Variants in PDE10A observed in about 807,000 individuals in gnomAD.
PDE10A encodes phosphodiesterase 10A.
PDE10A carries 39 observed loss-of-function variants against 97.7 expected under a neutral mutation model. The ratio of observed to expected loss-of-function variants is 0.40; its 90% CI spans 0.31 to 0.52. The LOEUF is 0.52. Ranked by LOEUF, PDE10A falls within the 20% of genes least tolerant of loss-of-function variation. PDE10A has a pLI of 0.56. For missense variants in PDE10A, 731 were observed against 1,047.8 expected (o/e 0.70, Z 4.17); for synonymous variants, 371 against 376.8 (o/e 0.98, Z 0.18).
chr6:165,949,222 A>G (rs1783875197), intron 1 of PDE10A: 1 of 152,204 alleles, frequency 6.6e-6, no homozygotes, highest in Non-Finnish European at 1.5e-5. Context: ...GGTCACGCTA[A>G]CCCATTTGAG....
At chr6:165,436,346 T>A (rs1219037593) in intron 5 of PDE10A, among the ~76,000 whole-genome samples, 1 of 152,176 alleles carries the variant, frequency 6.6e-6, no homozygotes, top group African/African-American at 2.4e-5. Flanking sequence ...TATTAACTTA[T>A]CAGGTATGTG....
chr6:165,577,699 C>T (rs897885042), intron 1 of PDE10A, among the ~76,000 whole-genome samples: 2 of 152,214 alleles, frequency 1.3e-5, no homozygotes, highest in Admixed American at 6.5e-5. Flanking sequence ...CACTTCAAGA[C>T]TGGACTAGAG....
chr6:165,683,731 T>C (rs1390959898), intron 1 of PDE10A, among the ~76,000 whole-genome samples: 1 of 152,198 alleles, frequency 6.6e-6, no homozygotes, highest in Non-Finnish European at 1.5e-5. Flanking sequence ...ACAGGAGGGC[T>C]GGAGAGTGCA....
chr6:165,924,157 T>A (rs1782849303), intron 1 of PDE10A, among the ~76,000 whole-genome samples: 1 of 152,218 alleles, frequency 6.6e-6, no homozygotes, highest in Non-Finnish European at 1.5e-5. Context: ...GGATAGAAGA[T>A]CTCTCTGTGT....
chr6:165,733,202 C>G (rs572516294), intron 1 of PDE10A, among the ~76,000 whole-genome samples: 1 of 152,338 alleles, frequency 6.6e-6, no homozygotes, highest in Non-Finnish European at 1.5e-5. Context: ...CCATGTTCCA[C>G]CCAGACCTGA....
chr6:165,476,718 A>G (rs1259869219), intron 3 of PDE10A, among the ~76,000 whole-genome samples: 1 of 152,332 alleles, frequency 6.6e-6, no homozygotes, highest in East Asian at 1.9e-4. Flanking sequence ...CAAAGAGCAA[A>G]TGAGACACTT....
intron 1 of PDE10A, among the ~76,000 whole-genome samples, chr6:165,951,806 T>C (rs1041542793): frequency 2.6e-5 from 4 of 152,244 alleles, no homozygotes; most frequent in African/African-American, 4.8e-5. Context: ...GTGACCTGGC[T>C]CTTTTAATAC....
chr6:165,845,920 A>G (rs772983217), intron 1 of PDE10A, among the ~76,000 whole-genome samples: 2 of 152,210 alleles, frequency 1.3e-5, no homozygotes, highest in Non-Finnish European at 2.9e-5. Context: ...CCATGATAAA[A>G]AAACAAAACG....
intron 1 of PDE10A, among the ~76,000 whole-genome samples, chr6:165,547,979 G>A (rs558913386): frequency 2.0e-5 from 3 of 152,076 alleles, no homozygotes; most frequent in South Asian, 4.2e-4. Context: ...GCCTATTCAC[G>A]CATATGTATA....
rs193024187 is a variant in PDE10A at position 165,354,309 on chromosome 6, C to T, written c.2784-10807G>A. ...CTTTTTGAATAGTATGGAGAAAACTCATCAGCCATCCTGAATAAAGAACAA... is the reference window on the plus strand; with the variant it reads ...CTTTTTGAATAGTATGGAGAAAACTTATCAGCCATCCTGAATAAAGAACAA... On this transcript the variant is annotated intron_variant, in intron 18 of 21. Transcript: ENST00000539869. Among the ~76,000 whole-genome samples, 390 of 152,220 alleles carry T rather than the reference C, an allele frequency of 2.6e-3. 5 individuals carry two copies. Among genetic ancestry groups the T allele is most frequent in the African/African-American group, 8.8e-3 (365 of 41,546 alleles).
intron 1 of PDE10A, among the ~76,000 whole-genome samples, chr6:165,953,597 A>C (rs935884009): frequency 2.0e-5 from 3 of 152,188 alleles, no homozygotes; most frequent in Non-Finnish European, 4.4e-5. Flanking sequence ...TCTCAAAAAA[A>C]AAAAAAATAG....
intron 17 of PDE10A, among the ~76,000 whole-genome samples, chr6:165,381,839 TAAGG>T (rs1476380911): frequency 6.6e-6 from 1 of 151,734 alleles, no homozygotes; most frequent in South Asian, 2.1e-4. Context: ...CTAAAGAAAA[TAAGG>T]AAGGGAGATA....
chr6:165,928,803 CTT>C (rs2128490196), intron 1 of PDE10A, among the ~76,000 whole-genome samples: 1 of 152,300 alleles, frequency 6.6e-6, no homozygotes, highest in East Asian at 1.9e-4. Flanking sequence ...AGAATGCAAT[CTT>C]TTCTCAACAA....
intron 1 of PDE10A, among the ~76,000 whole-genome samples, chr6:165,561,235 T>C (rs1481074676): frequency 2.7e-5 from 4 of 147,820 alleles, no homozygotes; most frequent in Non-Finnish European, 6.0e-5. Flanking sequence ...AAAAAAAAAG[T>C]GTGCAGCAGT....
Position 165,711,279 on chromosome 6 carries a change from G to GCTCC in PDE10A, c.-614-167715_-614-167712dup, listed in dbSNP as rs1791889706. Reference sequence around the variant, plus strand: ...TAATTTACAGAGGTAAGTGCCTGGGGCTCCCATTGGCCCTTCAAGTTGGGC... The same window carrying GCTCC: ...TAATTTACAGAGGTAAGTGCCTGGGGCTCCCTCCCATTGGCCCTTCAAGTTGGGC... On this transcript the variant is annotated intron_variant, in intron 1 of 19. Coordinates refer to the PDE10A transcript ENST00000366882. The surrounding 1 kb of genome is among the most constrained non-coding windows in gnomAD (Gnocchi z 4.5). 6.6e-6 allele frequency among the ~76,000 whole-genome samples: 1 copy of GCTCC among 152,186 alleles called. No individual in the cohort carries two copies. The highest frequency in any genetic ancestry group is 2.1e-4 in the South Asian group (1 of 4,826).
chr6:165,569,961 G>A (rs1784971957), intron 1 of PDE10A, among the ~76,000 whole-genome samples: 2 of 152,166 alleles, frequency 1.3e-5, no homozygotes, highest in South Asian at 4.1e-4. Flanking sequence ...AACCAATGGA[G>A]AGCCAAGAAA....
At chr6:165,919,232 G>A (rs187329130) in intron 1 of PDE10A, among the ~76,000 whole-genome samples, 3 of 152,228 alleles carry the variant, frequency 2.0e-5, no homozygotes, top group Admixed American at 6.5e-5. Context: ...CAAATATGAT[G>A]TCTACCCACC....
At chr6:165,685,072 G>A (rs150525247) in intron 1 of PDE10A, among the ~76,000 whole-genome samples, 2 of 152,066 alleles carry the variant, frequency 1.3e-5, no homozygotes, top group South Asian at 2.1e-4. Flanking sequence ...TTAAAAAATC[G>A]CTATGTGATA....
intron 1 of PDE10A, among the ~76,000 whole-genome samples, chr6:165,551,143 A>C (rs1021064774): frequency 6.6e-6 from 1 of 152,190 alleles, no homozygotes; most frequent in East Asian, 1.9e-4. Flanking sequence ...CCAACTGCAT[A>C]CAATTGTTCT....
Sources: allele counts gnomAD v4.1 joint callset (sites outside exome capture counted in the v4.1 genomes callset), GRCh38; gene constraint gnomAD v4.1.1; non-coding constraint Gnocchi (gnomAD v3.1); transcripts MANE v1.5; gene names NCBI Gene and HGNC (gene_info 2026-07-23, HGNC 2026-07-21).